SPRED2: variants seen among roughly 807,000 people sequenced by gnomAD.
The protein encoded by SPRED2 is sprouty-related, EVH1 domain-containing protein 2.
SPRED2 carries 47 observed loss-of-function variants against 43.0 expected under a neutral mutation model. The observed-to-expected ratio is 1.09, with a 90% CI of 0.87 to 1.40. SPRED2 has a LOEUF of 1.40. Ranked by LOEUF, SPRED2 falls within the 40% of genes most tolerant of loss-of-function variation. SPRED2 has a pLI of 0.00. For synonymous variants in SPRED2, 225 were observed against 225.7 expected (o/e 1.00, Z 0.03); for missense variants, 561 against 586.4 (o/e 0.96, Z 0.45).
intron 1 of SPRED2, among the ~76,000 whole-genome samples, chr2:65,407,286 T>C (rs899549540): frequency 1.5e-5 from 2 of 134,204 alleles, no homozygotes; most frequent in Non-Finnish European, 3.1e-5. Context: ...AGAAGGATTC[T>C]GACTTCACAG....
At chr2:65,398,319 T>C (rs778032440) in intron 1 of SPRED2, among the ~76,000 whole-genome samples, 24 of 152,230 alleles carry the variant, frequency 1.6e-4, no homozygotes, top group Admixed American at 1.4e-3. Context: ...CTTCTAGACA[T>C]TGGCTTAGGC....
chr2:65,392,591 C>T (rs1033182050), intron 1 of SPRED2, among the ~76,000 whole-genome samples: 3 of 151,950 alleles, frequency 2.0e-5, no homozygotes, highest in African/African-American at 7.3e-5. Flanking sequence ...TTTTAGTATT[C>T]ATCTTATAGT....
intron 2 of SPRED2, among the ~76,000 whole-genome samples, chr2:65,341,854 G>T (rs188906790): frequency 6.6e-6 from 1 of 151,630 alleles, no homozygotes; most frequent in African/African-American, 2.4e-5. Flanking sequence ...AAGATAATCT[G>T]GTAAAACACA....
intron 1 of SPRED2, among the ~76,000 whole-genome samples, chr2:65,360,072 AAAAAAAC>A: frequency 1.0e-5 from 1 of 95,524 alleles, no homozygotes; most frequent in African/African-American, 3.5e-5. Flanking sequence ...CTCAAAAAAA[AAAAAAAC>A]AAAAAAAAAC....
At chr2:65,373,244 G>T (rs996653183) in intron 1 of SPRED2, among the ~76,000 whole-genome samples, 3 of 152,178 alleles carry the variant, frequency 2.0e-5, no homozygotes, top group Non-Finnish European at 4.4e-5. Flanking sequence ...TCTAGAAAAT[G>T]CAGGGTTTAA....
At chr2:65,412,967 T>C (rs1229191573) in intron 1 of SPRED2, among the ~76,000 whole-genome samples, 1 of 152,208 alleles carries the variant, frequency 6.6e-6, no homozygotes, top group Non-Finnish European at 1.5e-5. Flanking sequence ...ATTTTGGCAC[T>C]ATAAGCAGAT....
At chr2:65,403,359 G>A (rs994726010) in intron 1 of SPRED2, among the ~76,000 whole-genome samples, 1 of 152,138 alleles carries the variant, frequency 6.6e-6, no homozygotes, top group Non-Finnish European at 1.5e-5. Flanking sequence ...CTGCAGCCTC[G>A]AACTCTTGAG....
chr2:65,314,018 G>A lies in SPRED2; in HGVS notation c.740C>T (p.Ala247Val). 1.2e-6 allele frequency: 2 copies of A among 1,614,046 alleles called. No individual in the cohort carries two copies. Among genetic ancestry groups the A allele is most frequent in the Non-Finnish European group, 8.5e-7 (1 of 1,180,024 alleles). ...RGKYPDPSEDADSSYVRFAKG... is the reference protein window; with the variant it reads ...RGKYPDPSEDVDSSYVRFAKG... The stretch of plus-strand genomic sequence containing the variant: ...GGCGAAGCGCACGTAGGAGGAGTCC[G>A]CGTCCTCCGAGGGGTCCGGGTACTT... The change falls in exon 6 of 6, where the codon GCG becomes GTG. Residue 247 changes from alanine to valine, a missense_variant. Physicochemically the swap from Ala to Val is moderately conservative, Grantham distance 64. Transcript: ENST00000356388.
rs377684044 is a variant in SPRED2, at chr2:65,356,993, C to T, written c.27-12097G>A. 5.3e-5 allele frequency among the ~76,000 whole-genome samples: 8 copies of T among 152,068 alleles called. 1 individual carries two copies. The highest frequency in any genetic ancestry group is 1.9e-4 in the African/African-American group (8 of 41,462). On this transcript the variant is annotated intron_variant, in intron 1 of 5. Transcript: ENST00000356388. ...TGGGCAACAGAATGAGTCTCTGTCT[C>T]AAAACACAAAACAAAACAAAAAACC...
intron 1 of SPRED2, chr2:65,366,937 C>T: frequency 4.4e-6 from 1 of 226,704 alleles, no homozygotes; most frequent in Non-Finnish European, 7.3e-6. Context: ...TTATGATTAC[C>T]AATCATTGAT....
intron 1 of SPRED2, among the ~76,000 whole-genome samples, chr2:65,422,151 C>G (rs955841022): frequency 1.3e-5 from 2 of 151,592 alleles, no homozygotes; most frequent in Admixed American, 6.6e-5. Context: ...CTCACTCATT[C>G]TTTCTCTCAT....
intron 4 of SPRED2, among the ~76,000 whole-genome samples, chr2:65,322,268 CTCTATA>C (rs1410530946): frequency 0.016 from 631 of 38,272 alleles, 3 homozygotes; most frequent in Non-Finnish European, 0.02. Flanking sequence ...CTCTCTCTCT[CTCTATA>C]TATATATATA....
Position 65,313,603 on chromosome 2 carries a change from A to G in SPRED2, c.1155T>C (p.Ser385=). The G allele has an allele frequency of 1.9e-6, 3 of 1,614,228 alleles. No homozygotes were observed. The highest frequency in any genetic ancestry group is 2.5e-6 in the Non-Finnish European group (3 of 1,180,034). Residue 385 remains serine (S), a synonymous_variant, in exon 6 of 6, where the codon TCT becomes TCC. Coordinates refer to ENST00000356388, the MANE Select transcript of SPRED2 (RefSeq NM_181784.3). Reference sequence around the variant, plus strand: ...AACAGCACATACAGGGGGCCAGGAAAGACAAGGCAATAAGAGCCATCCACC... The same window carrying G: ...AACAGCACATACAGGGGGCCAGGAAGGACAAGGCAATAAGAGCCATCCACC... ...CLRWMALIAL[S]FLAPCMCCYL...
intron 1 of SPRED2, among the ~76,000 whole-genome samples, chr2:65,411,173 T>G (rs1175473706): frequency 6.6e-6 from 1 of 152,220 alleles, no homozygotes; most frequent in Non-Finnish European, 1.5e-5. Context: ...GCTGAGCACT[T>G]GGCCCACATT....
In SPRED2 at chr2:65,432,075, CGG is replaced by C. The variant is rs1206150128; in HGVS notation, c.-90_-89del. On this transcript the variant is annotated 5_prime_UTR_variant, in exon 1 of 6. Coordinates refer to ENST00000356388, the MANE Select transcript of SPRED2 (RefSeq NM_181784.3). ...CGCTCGCCCCCCTTCTTCACATCTC[CGG>C]AGATCGCCTGATTTGGGGAGGGGGG... 6.4e-7 allele frequency: 1 copy of C among 1,550,678 alleles called. No individual in the cohort carries two copies. Among genetic ancestry groups the C allele is most frequent in the African/African-American group, 1.4e-5 (1 of 73,780 alleles).
At chr2:65,319,568 G>C (rs1355249872) in intron 4 of SPRED2, among the ~76,000 whole-genome samples, 2 of 152,092 alleles carry the variant, frequency 1.3e-5, no homozygotes, top group African/African-American at 4.8e-5. Flanking sequence ...TTTGTCACTT[G>C]GGTGCACTTT....
chr2:65,397,658 T>A (rs1045237586), intron 1 of SPRED2, among the ~76,000 whole-genome samples: 2 of 151,164 alleles, frequency 1.3e-5, no homozygotes, highest in African/African-American at 2.4e-5. Flanking sequence ...GTAACATATG[T>A]ATAATCCACA....
intron 1 of SPRED2, among the ~76,000 whole-genome samples, chr2:65,346,972 C>G (rs1462338300): frequency 6.6e-6 from 1 of 152,170 alleles, no homozygotes; most frequent in African/African-American, 2.4e-5. Flanking sequence ...GGGCCTGTTT[C>G]CTTCCAATGC....
At chr2:65,412,212 T>A (rs529456939) in intron 1 of SPRED2, among the ~76,000 whole-genome samples, 1 of 151,654 alleles carries the variant, frequency 6.6e-6, no homozygotes. Context: ...AATCTCAAAC[T>A]GTGGATGTAG....
Sources: gnomAD v4.1 joint callset for allele counts (sites outside exome capture counted in the v4.1 genomes callset) on GRCh38, gnomAD v4.1.1 for gene constraint, MANE v1.5 for transcripts, NCBI Gene and HGNC (gene_info 2026-07-23, HGNC 2026-07-21) for gene names.